RADX: variants seen among roughly 807,000 people sequenced by gnomAD.
RADX encodes the protein RPA1 related single stranded DNA binding protein, X-linked.
RADX carries 36 observed loss-of-function variants against 61.6 expected under a neutral mutation model. That is an observed-to-expected ratio of 0.58 (90% CI 0.45 to 0.77). The LOEUF (loss-of-function observed/expected upper bound fraction) is 0.77. RADX is among the 30% of genes least tolerant of loss of function. The probability of loss-of-function intolerance (pLI) is 0.00; values close to 1 mark genes in which losing one functional copy is unlikely to be tolerated. For missense variants in RADX, 497 were observed against 651.1 expected (o/e 0.76, Z 2.58); for synonymous variants, 272 against 237.9 (o/e 1.14, Z -1.32).
At chrX:106,656,207 A>G (rs1302256405) in intron 11 of RADX, among the ~76,000 whole-genome samples, 1 of 111,905 alleles carries the variant, frequency 8.9e-6, no homozygotes, top group Non-Finnish European at 1.9e-5. Context: ...GTAAGAAGCA[A>G]CTCTTCGTCC....
At chrX:106,650,639 A>G (rs969816616) in intron 11 of RADX, among the ~76,000 whole-genome samples, 1 of 111,165 alleles carries the variant, frequency 9.0e-6, no homozygotes, top group African/African-American at 3.3e-5. Context: ...TTGATCTCAA[A>G]CTCCTGGCCT....
chrX:106,650,819 T>G (rs1927775777), intron 11 of RADX, among the ~76,000 whole-genome samples: 1 of 111,715 alleles, frequency 9.0e-6, no homozygotes, highest in African/African-American at 3.3e-5. Flanking sequence ...ACACACACAC[T>G]TATCGGTAGA....
chrX:106,652,695 GCACACACACACACA>G, intron 11 of RADX, among the ~76,000 whole-genome samples: 1 of 97,012 alleles, frequency 1.0e-5, no homozygotes, highest in South Asian at 5.0e-4. Flanking sequence ...ATCATTAAAT[GCACACACACACACA>G]CACACACACA....
chrX:106,640,789 T>C (rs1927493638), intron 10 of RADX, 68 bp downstream of exon 10: 15 of 750,154 alleles, frequency 2.0e-5, no homozygotes, highest in Non-Finnish European at 2.6e-5. Flanking sequence ...CCCTGTAAAA[T>C]AAGCAATTAT....
intron 1 of RADX, among the ~76,000 whole-genome samples, chrX:106,618,260 C>T (rs761514298): frequency 2.8e-5 from 3 of 108,750 alleles, no homozygotes; most frequent in South Asian, 4.0e-4. Context: ...ATTTGAAAGA[C>T]GGAAAACAGT....
intron 3 of RADX, among the ~76,000 whole-genome samples, chrX:106,630,864 T>C (rs1927200200): frequency 1.8e-5 from 2 of 110,324 alleles, no homozygotes; most frequent in South Asian, 8.1e-4. Context: ...GTGACATGAG[T>C]TTACCTATAT....
intron 10 of RADX, among the ~76,000 whole-genome samples, 190 bp from the exon 11 acceptor site, chrX:106,648,123 A>G (rs928656382): frequency 4.5e-5 from 5 of 111,492 alleles, no homozygotes; most frequent in African/African-American, 1.6e-4. Flanking sequence ...CTATTGCAGT[A>G]TTTGAGTTGT....
In RADX at chrX:106,636,665, G is replaced by A; in HGVS notation, c.1408+18G>A. 1 of 918,103 alleles carries A rather than the reference G, an allele frequency of 1.1e-6. No homozygotes were observed. Among genetic ancestry groups the A allele is most frequent in the Non-Finnish European group, 1.6e-6 (1 of 644,113 alleles). 75.7% of individuals were successfully genotyped at this position (918,103 alleles called of 1,213,427 possible). A position where few individuals can be genotyped will look rare whatever the true frequency, so the allele number is the denominator to read the frequency against. Reference sequence around the variant, plus strand: ...TATTACTGGTGAGTAATTTCTTTGTGTATATTATTAGAAATATATTTTCTC... The same window carrying A: ...TATTACTGGTGAGTAATTTCTTTGTATATATTATTAGAAATATATTTTCTC... On this transcript the variant is annotated intron_variant, in intron 7 of 13. Coordinates refer to ENST00000372548, the MANE Select transcript of RADX (RefSeq NM_018015.6).
In RADX at chrX:106,633,001, G is replaced by A; in HGVS notation, c.1158G>A (p.Arg386=). 1 of 1,204,510 alleles carries A rather than the reference G, an allele frequency of 8.3e-7. No individual in the cohort carries two copies. Among genetic ancestry groups the A allele is most frequent in the Non-Finnish European group, 1.1e-6 (1 of 890,867 alleles). Reference sequence around the variant, plus strand: ...TTGGCCTTTTAGTTTTTGTAGGAAGGGTCCAGCGGTCAAAAAAGAAAGGTA... The same window carrying A: ...TTGGCCTTTTAGTTTTTGTAGGAAGAGTCCAGCGGTCAAAAAAGAAAGGTA... ...DVIGLLVFVG[R]VQRSKKKENR... Residue 386 remains arginine (R), a synonymous_variant, in exon 5 of 14, where the codon AGG becomes AGA. Transcript: ENST00000372548.
intron 3 of RADX, among the ~76,000 whole-genome samples, chrX:106,627,411 A>G (rs987922855): frequency 9.0e-6 from 1 of 111,649 alleles, no homozygotes; most frequent in South Asian, 3.7e-4. Context: ...GTGTATATAC[A>G]TTGTAGAAAG....
chrX:106,619,239 C>T (rs1926886605), intron 1 of RADX, among the ~76,000 whole-genome samples: 1 of 110,707 alleles, frequency 9.0e-6, no homozygotes, highest in Admixed American at 9.7e-5. Context: ...TTTCTGTTTC[C>T]GTCTCCAGAA....
intron 13 of RADX, among the ~76,000 whole-genome samples, chrX:106,674,948 C>T (rs911722002): frequency 5.6e-5 from 6 of 106,807 alleles, no homozygotes; most frequent in Admixed American, 3.0e-4. Context: ...TGCTTGAACC[C>T]GGGAGGTGGA....
At chrX:106,612,755 T>A (rs765607993) in intron 1 of RADX, 32 bp downstream of exon 1, 70 of 1,140,194 alleles carry the variant, frequency 6.1e-5, no homozygotes, top group South Asian at 2.5e-4. Context: ...CAGAGGGTTT[T>A]AAAAAAAATA....
chrX:106,663,677 T>C (rs1764353895), intron 12 of RADX, among the ~76,000 whole-genome samples: 2 of 111,721 alleles, frequency 1.8e-5, no homozygotes, highest in African/African-American at 6.5e-5. Flanking sequence ...GGATACCCCA[T>C]TTACCCTGAT....
chrX:106,650,570 G>A (rs1052639297), intron 11 of RADX, among the ~76,000 whole-genome samples: 2 of 110,510 alleles, frequency 1.8e-5, no homozygotes, highest in Non-Finnish European at 1.9e-5. Context: ...GCTTTGAAAC[G>A]TATGTTTATT....
chrX:106,667,433 C>G (rs1928256931), intron 12 of RADX, among the ~76,000 whole-genome samples: 1 of 111,032 alleles, frequency 9.0e-6, no homozygotes, highest in African/African-American at 3.3e-5. Flanking sequence ...CCTCCCACCT[C>G]TGCCTCCCAA....
intron 10 of RADX, among the ~76,000 whole-genome samples, chrX:106,647,908 T>C (rs1927701288): frequency 9.0e-6 from 1 of 111,038 alleles, no homozygotes; most frequent in East Asian, 2.8e-4. Context: ...GCTCCTTGTG[T>C]ATTCTGGTTA....
Position 106,678,201 on chromosome X carries a change from T to C in RADX, c.2511T>C (p.Gly837=). ...IVGILDICNL[G]NNKVEVYLHK... is the part of the protein sequence containing the mutation. ...GTATCTTGGATATCTGTAATTTGGG[T>C]AATAATAAAGTGGAAGTCTATTTGC... Residue 837 remains glycine (G), a synonymous_variant, in exon 14 of 14, where the codon GGT becomes GGC. Coordinates refer to ENST00000372548, the MANE Select transcript of RADX (RefSeq NM_018015.6). The C allele has an allele frequency of 8.6e-7, 1 of 1,167,855 alleles. No homozygotes were observed. The highest frequency in any genetic ancestry group is 1.2e-6 in the Non-Finnish European group (1 of 856,007).
intron 13 of RADX, among the ~76,000 whole-genome samples, chrX:106,675,726 G>T: frequency 8.9e-6 from 1 of 112,145 alleles, no homozygotes; most frequent in Non-Finnish European, 1.9e-5. Flanking sequence ...TATAATTTTT[G>T]TAATTCTAGC....
Sources: gnomAD v4.1 joint callset for allele counts (sites outside exome capture counted in the v4.1 genomes callset) on GRCh38, gnomAD v4.1.1 for gene constraint, MANE v1.5 for transcripts, NCBI Gene and HGNC (gene_info 2026-07-23, HGNC 2026-07-21) for gene names.